LAMA2: variants seen among roughly 807,000 people sequenced by gnomAD.
LAMA2 encodes the protein laminin subunit alpha-2.
In LAMA2, 269 loss-of-function variants were observed where a neutral mutation model predicts 364.8. The observed-to-expected ratio is 0.74, with a 90% CI of 0.67 to 0.82. The LOEUF (loss-of-function observed/expected upper bound fraction) is 0.82. Ranked by LOEUF, LAMA2 falls within the 40% of genes least tolerant of loss-of-function variation. The probability of loss-of-function intolerance (pLI) is 0.00; values close to 1 mark genes in which losing one functional copy is unlikely to be tolerated. For synonymous variants in LAMA2, 1,379 were observed against 1,370.6 expected, an observed-to-expected ratio of 1.01 and a Z score of -0.14; for missense variants, 3,807 against 3,873.2, an observed-to-expected ratio of 0.98 and a Z score of 0.45.
intron 28 of LAMA2, among the ~76,000 whole-genome samples, chr6:129,323,434 C>G (rs1273090734): frequency 6.6e-6 from 1 of 152,108 alleles, no homozygotes; most frequent in East Asian, 1.9e-4. Context: ...AGACTCTTAG[C>G]CTTTGCTTGT....
chr6:129,007,278 C>A (rs1784501070), intron 1 of LAMA2, among the ~76,000 whole-genome samples: 1 of 152,132 alleles, frequency 6.6e-6, no homozygotes, highest in African/African-American at 2.4e-5. Context: ...ACCCTAAGCA[C>A]CTCTTGGCAG....
rs769173629 is a variant in LAMA2, at chr6:129,148,962, TC to T, written c.910-14del. 750 of 1,565,356 alleles carry T rather than the reference TC, an allele frequency of 4.8e-4. 1 individual carries two copies. Among genetic ancestry groups the T allele is most frequent in the Non-Finnish European group, 6.2e-4 (703 of 1,135,508 alleles). ...AAATGAGGCTAAAATTTGTGCTTCC[TC>T]CCTCTTTTTGACTAGAAATCTCGCT... is the stretch of plus-strand genomic sequence containing the variant. On this transcript the variant is annotated splice_polypyrimidine_tract_variant and intron_variant, in intron 6 of 64. Coordinates refer to ENST00000421865, the MANE Select transcript of LAMA2 (RefSeq NM_000426.4).
chr6:129,243,262 A>G (rs1377996591), intron 12 of LAMA2, among the ~76,000 whole-genome samples: 1 of 152,120 alleles, frequency 6.6e-6, no homozygotes, highest in Admixed American at 6.6e-5. Context: ...CATATGCTCA[A>G]GATAGGTCAG....
At position 129,079,599 on chromosome 6, in the gene LAMA2, AGTG is replaced by A. The variant is rs200960409; in HGVS notation, c.397-18565_397-18563del. ...AATAGTTAGCATCAAATGCGTATGA[AGTG>A]GTGGTGGTTCATATTTTCAGTCATC... On this transcript the variant is annotated intron_variant, in intron 3 of 64. Transcript: ENST00000421865. Among the ~76,000 whole-genome samples, 911 of 151,720 alleles carry A rather than the reference AGTG, an allele frequency of 6.0e-3. 7 individuals are homozygous for A. Among genetic ancestry groups the A allele is most frequent in the Non-Finnish European group, 0.011 (738 of 67,894 alleles).
At chr6:129,472,453 G>A (rs1025233148) in intron 51 of LAMA2, among the ~76,000 whole-genome samples, 7 of 151,892 alleles carry the variant, frequency 4.6e-5, no homozygotes, top group Non-Finnish European at 7.4e-5. Context: ...AGAAGGGGGC[G>A]GTAGTGAGAG....
intron 3 of LAMA2, among the ~76,000 whole-genome samples, chr6:129,096,175 GT>G (rs1037788311): frequency 1.3e-5 from 2 of 152,116 alleles, no homozygotes; most frequent in Non-Finnish European, 2.9e-5. Flanking sequence ...AATATGAACT[GT>G]CTAAAAAACA....
At chr6:129,164,209 C>G (rs1313009747) in intron 8 of LAMA2, among the ~76,000 whole-genome samples, 1 of 152,094 alleles carries the variant, frequency 6.6e-6, no homozygotes, top group Non-Finnish European at 1.5e-5. Flanking sequence ...AAGTGACTAA[C>G]AGGAGGGTAG....
chr6:129,056,699 C>A (rs1788512105), intron 2 of LAMA2, among the ~76,000 whole-genome samples: 2 of 152,036 alleles, frequency 1.3e-5, no homozygotes, highest in African/African-American at 4.8e-5. Context: ...TACAAATCTT[C>A]ACAAATCTGA....
intron 16 of LAMA2, among the ~76,000 whole-genome samples, chr6:129,267,656 C>T (rs1036285992): frequency 2.0e-5 from 3 of 151,918 alleles, no homozygotes; most frequent in African/African-American, 7.3e-5. Context: ...TGAAAACATA[C>T]TACATATTTT....
chr6:128,921,845 T>G (rs1293996818), intron 1 of LAMA2, among the ~76,000 whole-genome samples: 1 of 147,016 alleles, frequency 6.8e-6, no homozygotes, highest in Non-Finnish European at 1.5e-5. Flanking sequence ...CTCCCAATGC[T>G]ATCCCTTCCC....
At chr6:129,502,156 C>G (rs985510583) in intron 58 of LAMA2, among the ~76,000 whole-genome samples, 2 of 152,112 alleles carry the variant, frequency 1.3e-5, no homozygotes, top group African/African-American at 2.4e-5. Context: ...TTTAGATACA[C>G]CATCTTGAAA....
At chr6:129,158,073 T>C (rs1779230384) in intron 8 of LAMA2, 3 of 1,612,272 alleles carry the variant, frequency 1.9e-6, no homozygotes, top group South Asian at 2.2e-5. Flanking sequence ...TTGGGTGCCA[T>C]ACGTTTCTGT....
At chr6:129,276,211 C>T (rs1304395283) in intron 17 of LAMA2, among the ~76,000 whole-genome samples, 1 of 152,078 alleles carries the variant, frequency 6.6e-6, no homozygotes, top group East Asian at 1.9e-4. Flanking sequence ...TGTAGCCACT[C>T]AAAATGGTTT....
chr6:129,468,039 T>G (rs886067842), intron 51 of LAMA2, among the ~76,000 whole-genome samples: 4 of 151,802 alleles, frequency 2.6e-5, no homozygotes, highest in Non-Finnish European at 4.4e-5. Context: ...GGCTGATACC[T>G]TCTCATTTAT....
intron 34 of LAMA2, among the ~76,000 whole-genome samples, chr6:129,380,648 G>A (rs944803258): frequency 5.3e-5 from 8 of 152,158 alleles, no homozygotes; most frequent in African/African-American, 1.9e-4. Context: ...CTTTACAGGT[G>A]TTGAGGAGAA....
At chr6:129,171,268 A>C (rs982144960) in intron 9 of LAMA2, among the ~76,000 whole-genome samples, 31 of 152,266 alleles carry the variant, frequency 2.0e-4, no homozygotes, top group Admixed American at 3.9e-4. Context: ...TCTTCCTAGC[A>C]TCGATGGTCT....
At chr6:129,176,350 T>G (rs9482997) in intron 9 of LAMA2, among the ~76,000 whole-genome samples, 2,934 of 152,042 alleles carry the variant, frequency 0.019, 113 homozygotes, top group African/African-American at 0.066. Flanking sequence ...AAATAAGCCT[T>G]AGATAATTTC....
chr6:129,038,163 C>G (rs563771637), intron 1 of LAMA2, among the ~76,000 whole-genome samples: 1 of 152,302 alleles, frequency 6.6e-6, no homozygotes, highest in African/African-American at 2.4e-5. Context: ...ACGGTGTTCA[C>G]TTCTGATCAT....
At chr6:129,183,295 A>G (rs905566235) in intron 10 of LAMA2, among the ~76,000 whole-genome samples, 10 of 151,922 alleles carry the variant, frequency 6.6e-5, no homozygotes, top group African/African-American at 2.4e-4. Flanking sequence ...TTTATGCAAA[A>G]TCAGTTGGTA....
Sources: gnomAD v4.1 joint callset for allele counts (sites outside exome capture counted in the v4.1 genomes callset) on GRCh38, gnomAD v4.1.1 for gene constraint, MANE v1.5 for transcripts, NCBI Gene and HGNC (gene_info 2026-07-23, HGNC 2026-07-21) for gene names.